SCAPER: variants seen among roughly 807,000 people sequenced by gnomAD.
SCAPER encodes S phase cyclin A-associated protein in the endoplasmic reticulum.
A neutral mutation model predicts 182.2 loss-of-function variants in SCAPER; 98 were observed. That is an observed-to-expected ratio of 0.54 (90% confidence interval 0.46 to 0.64). The LOEUF is 0.64. Among genes scored for constraint, SCAPER ranks in the 30% least tolerant of loss-of-function variants. SCAPER has a pLI of 0.00. For missense variants in SCAPER, 1,432 were observed against 1,690.0 expected, an observed-to-expected ratio of 0.85 and a Z score of 2.68; for synonymous variants, 605 against 564.6, an observed-to-expected ratio of 1.07 and a Z score of -1.01.
At chr15:76,831,121 T>G (rs894945004) in intron 5 of SCAPER, among the ~76,000 whole-genome samples, 2 of 152,096 alleles carry the variant, frequency 1.3e-5, no homozygotes, top group Non-Finnish European at 2.9e-5. Context: ...GGGTTAGGCA[T>G]GGGGACAGCT....
chr15:76,634,330 G>A (rs760014722), intron 21 of SCAPER, among the ~76,000 whole-genome samples: 1 of 152,060 alleles, frequency 6.6e-6, no homozygotes, highest in African/African-American at 2.4e-5. Flanking sequence ...GTCCCAATGA[G>A]AGAATCTTGG....
At chr15:76,834,758 G>A (rs2068787680) in intron 5 of SCAPER, among the ~76,000 whole-genome samples, 2 of 152,044 alleles carry the variant, frequency 1.3e-5, no homozygotes, top group Admixed American at 1.3e-4. Context: ...AACCCTCAGA[G>A]ACTATTAGAG....
intron 5 of SCAPER, among the ~76,000 whole-genome samples, chr15:76,824,917 T>A (rs148375348): frequency 1.2e-4 from 18 of 152,350 alleles, no homozygotes; most frequent in African/African-American, 4.3e-4. Flanking sequence ...AATATTTTAC[T>A]GCAATTCCTA....
chr15:76,534,497 T>C (rs541096134), intron 23 of SCAPER, among the ~76,000 whole-genome samples: 1 of 152,318 alleles, frequency 6.6e-6, no homozygotes, highest in East Asian at 1.9e-4. Context: ...TAACATTTTC[T>C]CTCTAAAGGA....
chr15:76,494,661 T>C (rs1038820737), intron 24 of SCAPER, among the ~76,000 whole-genome samples: 2 of 152,106 alleles, frequency 1.3e-5, no homozygotes, highest in African/African-American at 4.8e-5. Context: ...GAACGCTCAT[T>C]GACGCAACCT....
chr15:76,588,369 C>A (rs370606102), intron 22 of SCAPER, among the ~76,000 whole-genome samples: 6 of 152,126 alleles, frequency 3.9e-5, no homozygotes, highest in Non-Finnish European at 8.8e-5. Context: ...CTTTTTCAAT[C>A]GCTGTTGCTT....
At chr15:76,353,155 T>G (rs1375674524) in intron 30 of SCAPER, among the ~76,000 whole-genome samples, 5 of 152,212 alleles carry the variant, frequency 3.3e-5, no homozygotes, top group Admixed American at 2.6e-4. Flanking sequence ...CACCAGAATA[T>G]GGAAGAATAC....
intron 24 of SCAPER, among the ~76,000 whole-genome samples, chr15:76,491,278 T>A (rs1417865666): frequency 6.6e-6 from 1 of 152,226 alleles, no homozygotes; most frequent in Non-Finnish European, 1.5e-5. Flanking sequence ...ATTCTCAAGA[T>A]TGCTGTTACA....
chr15:76,664,549 T>C (rs1425706149), intron 21 of SCAPER, among the ~76,000 whole-genome samples: 1 of 152,038 alleles, frequency 6.6e-6, no homozygotes, highest in Non-Finnish European at 1.5e-5. Flanking sequence ...GCTGAAGATA[T>C]AAAATTGGTA....
intron 14 of SCAPER, among the ~76,000 whole-genome samples, chr15:76,756,230 C>A (rs1338549075): frequency 8.9e-6 from 1 of 112,670 alleles, no homozygotes; most frequent in East Asian, 2.7e-4. Context: ...GGCGACAGAG[C>A]CAGACTCCGT....
rs555544769 is a variant in SCAPER at position 76,721,642 on chromosome 15, G to A, written c.2165+6953C>T. On this transcript the variant is annotated intron_variant, in intron 17 of 31. Coordinates refer to ENST00000563290, the MANE Select transcript of SCAPER (RefSeq NM_020843.4). ...AGTTCTCCTTGAAGAGGTCCTTCAC[G>A]TCCCTTGTAAGGTGGATTCCTAGGT... is the stretch of plus-strand genomic sequence containing the variant. Among the ~76,000 whole-genome samples the A allele has an allele frequency of 8.7e-3, 1,322 of 151,788 alleles. 12 individuals carry two copies. Among genetic ancestry groups the A allele is most frequent in the African/African-American group, 0.028 (1,175 of 41,354 alleles).
chr15:76,890,136 T>C (rs1326293342), intron 1 of SCAPER, among the ~76,000 whole-genome samples: 3 of 152,074 alleles, frequency 2.0e-5, no homozygotes, highest in East Asian at 1.9e-4. Flanking sequence ...AAAGACACAA[T>C]GTACCAGAAT....
At chr15:76,408,000 T>C (rs1034366675) in intron 26 of SCAPER, among the ~76,000 whole-genome samples, 3 of 152,184 alleles carry the variant, frequency 2.0e-5, no homozygotes, top group Non-Finnish European at 2.9e-5. Context: ...CACAACATCA[T>C]TATCACATCT....
chr15:76,820,062 T>C (rs530918669), intron 5 of SCAPER, among the ~76,000 whole-genome samples: 129 of 152,230 alleles, frequency 8.5e-4, no homozygotes, highest in East Asian at 1.7e-3. Flanking sequence ...CCAGTTTGAA[T>C]GGTGATCATT....
intron 27 of SCAPER, among the ~76,000 whole-genome samples, chr15:76,395,397 A>G (rs1011337247): frequency 6.6e-6 from 1 of 152,082 alleles, no homozygotes; most frequent in African/African-American, 2.4e-5. Context: ...TGGTAGCTCT[A>G]TTTTTAGTTT....
chr15:76,506,545 A>G (rs540961290), intron 23 of SCAPER, among the ~76,000 whole-genome samples: 1 of 152,238 alleles, frequency 6.6e-6, no homozygotes, highest in South Asian at 2.1e-4. Context: ...TATAATGGGG[A>G]AAGGGTCAGG....
At chr15:76,806,323 A>G (rs1456703405) in intron 5 of SCAPER, among the ~76,000 whole-genome samples, 1 of 152,180 alleles carries the variant, frequency 6.6e-6, no homozygotes, top group East Asian at 1.9e-4. Context: ...TGGTTCTGGC[A>G]CTCATGTCAA....
At chr15:76,627,081 C>A (rs2052652819) in intron 21 of SCAPER, among the ~76,000 whole-genome samples, 1 of 152,092 alleles carries the variant, frequency 6.6e-6, no homozygotes, top group African/African-American at 2.4e-5. Flanking sequence ...TTAAAAATTT[C>A]ATTGGTGTAG....
Position 76,511,843 on chromosome 15 carries a change from A to ATATATG in SCAPER, c.2839-6870_2839-6869insCATATA, listed in dbSNP as rs151255382. Among the ~76,000 whole-genome samples, 879 of 123,224 alleles carry ATATATG rather than the reference A, an allele frequency of 7.1e-3. 10 individuals carry two copies. The highest frequency in any genetic ancestry group is 0.021 in the African/African-American group (631 of 29,762). The allele number at this position is 123,224 out of a possible 152,430, so 80.8% of individuals were successfully genotyped here. On this transcript the variant is annotated intron_variant, in intron 23 of 31. Coordinates refer to ENST00000563290, the MANE Select transcript of SCAPER (RefSeq NM_020843.4). ...AGATACACTTATTATATATATATAT[A>ATATATG]TGTGTGTGTGTGTGTGTGTGTGTGT...
Sources: gnomAD v4.1 joint callset for allele counts (sites outside exome capture counted in the v4.1 genomes callset) on GRCh38, gnomAD v4.1.1 for gene constraint, MANE v1.5 for transcripts, NCBI Gene and HGNC (gene_info 2026-07-23, HGNC 2026-07-21) for gene names.